Variants in PRPF40B observed in about 807,000 individuals in gnomAD.
PRPF40B encodes the protein pre-mRNA processing factor 40B.
PRPF40B carries 56 observed loss-of-function variants against 124.5 expected under a neutral mutation model. The observed-to-expected ratio is 0.45, with a 90% CI of 0.36 to 0.56. PRPF40B has a LOEUF of 0.56. Among genes scored for constraint, PRPF40B ranks in the 20% least tolerant of loss-of-function variants. The pLI is 0.00. For missense variants in PRPF40B, 1,053 were observed against 1,169.5 expected (o/e 0.90, Z 1.45); for synonymous variants, 443 against 426.4 (o/e 1.04, Z -0.48).
chr12:49,623,515 G>A, upstream of PRPF40B: 2 of 1,238,250 alleles, frequency 1.6e-6, no homozygotes, highest in South Asian at 3.6e-5. Flanking sequence ...CCGCCCTCCC[G>A]GCTGCGGCCT....
At chr12:49,624,235 A>G in intron 1 of PRPF40B, 1 of 888,460 alleles carries the variant, frequency 1.1e-6, no homozygotes, top group African/African-American at 1.8e-5. Context: ...GAAATGCATG[A>G]AAATTAAATC....
At chr12:49,624,695 C>G (rs955702905) in intron 1 of PRPF40B, among the ~76,000 whole-genome samples, 2 of 152,046 alleles carry the variant, frequency 1.3e-5, no homozygotes, top group African/African-American at 2.4e-5. Context: ...ACTAAAAATA[C>G]AAAATTAGGC....
chr12:49,632,635 G>A lies in PRPF40B; in HGVS notation c.322+12G>A. On this transcript the variant is annotated intron_variant, in intron 5 of 25. Coordinates refer to ENST00000548825, the MANE Select transcript of PRPF40B (RefSeq NM_001031698.3). ...GGACACCGCCAGCTGTGAGTCTTCTGGGGGCCTGCTCCCCCCAGGCTCGGA... is the reference window on the plus strand; with the variant it reads ...GGACACCGCCAGCTGTGAGTCTTCTAGGGGCCTGCTCCCCCCAGGCTCGGA... The A allele has an allele frequency of 6.2e-7, 1 of 1,613,538 alleles. No homozygotes were observed. The highest frequency in any genetic ancestry group is 1.1e-5 in the South Asian group (1 of 90,990).
Position 49,624,154 on chromosome 12 carries a change from A to T in PRPF40B, c.3+561A>T, listed in dbSNP as rs541994102. 14 of 985,268 alleles carry T rather than the reference A, an allele frequency of 1.4e-5. No homozygotes were observed. The East Asian group carries it at 1.5e-3, about 104-fold the overall frequency. 61.0% of individuals were successfully genotyped at this position (985,268 alleles called of 1,614,324 possible). A position where few individuals can be genotyped will look rare whatever the true frequency, so the allele number is the denominator to read the frequency against. On this transcript the variant is annotated intron_variant, in intron 1 of 25. Coordinates refer to ENST00000548825, the MANE Select transcript of PRPF40B (RefSeq NM_001031698.3). ...AGCCCAGGCCATCAACAAACTAACG[A>T]CTCTGTGTGACCTTGGGCAAGTCAC...
intron 1 of PRPF40B, among the ~76,000 whole-genome samples, chr12:49,626,121 C>T (rs959554827): frequency 2.0e-5 from 3 of 152,220 alleles, no homozygotes; most frequent in Non-Finnish European, 2.9e-5. Context: ...TTCTGCCAAG[C>T]TACCTCTCTC....
intron 1 of PRPF40B, chr12:49,623,923 T>A: frequency 9.4e-7 from 1 of 1,061,780 alleles, no homozygotes; most frequent in Non-Finnish European, 1.1e-6. Flanking sequence ...ATGAGGGGAC[T>A]GAGGGGACCA....
In PRPF40B at chr12:49,642,573, G is replaced by A. The variant is rs375164506; in HGVS notation, c.2023-7G>A. 4.3e-6 allele frequency: 7 copies of A among 1,614,056 alleles called. No homozygotes were observed. Among genetic ancestry groups the A allele is most frequent in the Middle Eastern group, 1.6e-4 (1 of 6,084 alleles). ...TAGTCTGATCAGCAGTGCTCTCCTCGTTCAAGGTCCGTGAGCGTTTTGTGT... is the reference window on the plus strand; with the variant it reads ...TAGTCTGATCAGCAGTGCTCTCCTCATTCAAGGTCCGTGAGCGTTTTGTGT... On this transcript the variant is annotated splice_polypyrimidine_tract_variant and splice_region_variant and intron_variant, in intron 20 of 25. Coordinates refer to ENST00000548825, the MANE Select transcript of PRPF40B (RefSeq NM_001031698.3). The surrounding 1 kb of genome is among the most constrained non-coding windows in gnomAD (Gnocchi z 5.8).
At chr12:49,623,034 C>A (rs1940341079), upstream of PRPF40B, among the ~76,000 whole-genome samples, 1 of 149,886 alleles carries the variant, frequency 6.7e-6, no homozygotes, top group South Asian at 2.1e-4. Context: ...CCCACAAGGG[C>A]GTGATTTCGG....
At chr12:49,630,432 G>C in intron 1 of PRPF40B, 113 bp from the exon 2 acceptor site, 1 of 701,110 alleles carries the variant, frequency 1.4e-6, no homozygotes, top group Non-Finnish European at 2.6e-6. Context: ...CGGGCTTGAA[G>C]ACCCTCCTGA....
rs776151780 is a variant in PRPF40B at position 49,631,612 on chromosome 12, C to T, written c.228+68C>T. ...GTTTAGCTGGGGGTGGAGATAAGAG[C>T]GGGCATGTAGGCCTCAGAAACTGGG... is the stretch of plus-strand genomic sequence containing the variant. On this transcript the variant is annotated intron_variant, in intron 3 of 25. Coordinates refer to ENST00000548825, the MANE Select transcript of PRPF40B (RefSeq NM_001031698.3). This position sits in a 1 kb window ranked among gnomAD's most constrained non-coding sequence, Gnocchi z 4.3. The T allele has an allele frequency of 3.5e-4, 528 of 1,503,568 alleles. No individual in the cohort carries two copies. The highest frequency in any genetic ancestry group is 5.4e-4 in the Middle Eastern group (3 of 5,588). 93.1% of individuals were successfully genotyped at this position (1,503,568 alleles called of 1,614,324 possible).
intron 1 of PRPF40B, 98 bp from the exon 2 acceptor site, chr12:49,630,447 T>A: frequency 1.4e-6 from 1 of 708,598 alleles, no homozygotes; most frequent in East Asian, 2.7e-5. Context: ...TCCTGAATTT[T>A]GTGCTCCTTT....
At chr12:49,644,064 G>A (rs779252211) in intron 25 of PRPF40B, 36 bp from the exon 26 acceptor site, 9 of 1,613,994 alleles carry the variant, frequency 5.6e-6, no homozygotes, top group Non-Finnish European at 6.8e-6. Flanking sequence ...GGCCCTTAGT[G>A]CAGGCTAAGG....
chr12:49,623,706 G>A (rs1940414123), intron 1 of PRPF40B, 113 bp downstream of exon 1: 2 of 1,222,270 alleles, frequency 1.6e-6, no homozygotes, highest in South Asian at 4.1e-5. Flanking sequence ...GGGACCCCGG[G>A]GAGGGCGAGG....
chr12:49,637,040 T>C (rs1941916825), intron 16 of PRPF40B, 191 bp downstream of exon 16: 3 of 839,236 alleles, frequency 3.6e-6, no homozygotes, highest in Non-Finnish European at 5.5e-6. Context: ...TGTGCTCTTC[T>C]AGGGAGACTA....
chr12:49,640,148 G>A (rs1207653173), intron 18 of PRPF40B: 1 of 152,228 alleles, frequency 6.6e-6, no homozygotes, highest in African/African-American at 2.4e-5. Flanking sequence ...AGACCATGAT[G>A]GTGCCTTTCA....
intron 1 of PRPF40B, among the ~76,000 whole-genome samples, chr12:49,624,642 G>T (rs1592568526): frequency 1.3e-5 from 2 of 152,316 alleles, no homozygotes; most frequent in South Asian, 2.1e-4. Context: ...CTGAGGTCAG[G>T]AGTTGGAGAC....
intron 1 of PRPF40B, among the ~76,000 whole-genome samples, chr12:49,626,619 T>C (rs1472364300): frequency 6.6e-6 from 1 of 152,146 alleles, no homozygotes; most frequent in Non-Finnish European, 1.5e-5. Context: ...GGGAAGCCAT[T>C]GAGTCAGGAT....
chr12:49,632,290 G>A (rs1285948091), intron 4 of PRPF40B: 10 of 573,328 alleles, frequency 1.7e-5, no homozygotes, highest in Middle Eastern at 2.6e-4. Context: ...TTATGCTATC[G>A]CTCAGTGTAG....
chr12:49,634,895 C>T, intron 12 of PRPF40B: 1 of 651,804 alleles, frequency 1.5e-6, no homozygotes, highest in Admixed American at 3.0e-5. Context: ...GGAAAAGGGC[C>T]CAGTATTTGC....
Sources: gnomAD v4.1 joint callset for allele counts (sites outside exome capture counted in the v4.1 genomes callset) on GRCh38, gnomAD v4.1.1 for gene constraint, Gnocchi (gnomAD v3.1) non-coding constraint, MANE v1.5 for transcripts, NCBI Gene and HGNC (gene_info 2026-07-23, HGNC 2026-07-21) for gene names.